ST7: variants seen among roughly 807,000 people sequenced by gnomAD.
The protein encoded by ST7 is suppression of tumorigenicity 7.
ST7 carries 28 observed loss-of-function variants against 78.7 expected under a neutral mutation model. That is an observed-to-expected ratio of 0.36 (90% CI 0.26 to 0.49). ST7 has a LOEUF of 0.49. Ranked by LOEUF, ST7 falls within the 20% of genes least tolerant of loss-of-function variation. ST7 has a pLI of 0.99. For missense variants in ST7, 418 were observed against 696.0 expected (o/e 0.60, Z 4.49); for synonymous variants, 247 against 249.6 (o/e 0.99, Z 0.10).
At chr7:117,149,592 CTTTTTTTT>C (rs59067333) in intron 9 of ST7, among the ~76,000 whole-genome samples, 1 of 83,942 alleles carries the variant, frequency 1.2e-5, no homozygotes, top group South Asian at 3.5e-4. Flanking sequence ...CGTGTCCTAC[CTTTTTTTT>C]TTTTTTTTTT....
chr7:117,018,119 A>AGTT (rs1242692889), intron 1 of ST7, among the ~76,000 whole-genome samples: 2 of 152,188 alleles, frequency 1.3e-5, no homozygotes, highest in Non-Finnish European at 2.9e-5. Context: ...TCGGCAAAGC[A>AGTT]GTTATTACAT....
At chr7:117,106,013 A>G (rs1012154784) in intron 2 of ST7, among the ~76,000 whole-genome samples, 1 of 151,320 alleles carries the variant, frequency 6.6e-6, no homozygotes, top group Non-Finnish European at 1.5e-5. Context: ...TTTTTTTGAG[A>G]CGGAGTCTCG....
intron 1 of ST7, among the ~76,000 whole-genome samples, chr7:116,990,290 A>G (rs1328251624): frequency 6.6e-6 from 1 of 152,132 alleles, no homozygotes; most frequent in Non-Finnish European, 1.5e-5. Flanking sequence ...ATGAGTAAAA[A>G]TGAGTAATTT....
intron 15 of ST7, chr7:117,222,865 T>C: frequency 1.9e-6 from 3 of 1,613,756 alleles, no homozygotes; most frequent in East Asian, 2.2e-5. Context: ...TTCCAGATGA[T>C]TGACATTTTC....
At chr7:117,100,189 G>T (rs1801463569) in intron 2 of ST7, among the ~76,000 whole-genome samples, 2 of 151,992 alleles carry the variant, frequency 1.3e-5, no homozygotes, top group South Asian at 4.2e-4. Context: ...CATCAATATG[G>T]GGCTGGGCGC....
chr7:117,173,907 G>A (rs1808179510), intron 10 of ST7, among the ~76,000 whole-genome samples: 1 of 152,058 alleles, frequency 6.6e-6, no homozygotes, highest in Non-Finnish European at 1.5e-5. Flanking sequence ...AAAATGGCAA[G>A]GCACTGGGGG....
At chr7:117,028,881 A>G (rs979354655) in intron 1 of ST7, among the ~76,000 whole-genome samples, 10 of 152,126 alleles carry the variant, frequency 6.6e-5, no homozygotes, top group African/African-American at 2.4e-4. Flanking sequence ...TGTGGGCAGG[A>G]ATGCCTATAC....
At chr7:116,988,894 A>G (rs1794300714) in intron 1 of ST7, among the ~76,000 whole-genome samples, 1 of 152,208 alleles carries the variant, frequency 6.6e-6, no homozygotes. Context: ...TTCAGCAAAT[A>G]GCAAATACCT....
intron 6 of ST7, 57 bp from the exon 7 acceptor site, chr7:117,134,063 ACTCT>A (rs928344459): frequency 1.3e-6 from 2 of 1,597,832 alleles, no homozygotes; most frequent in Admixed American, 1.7e-5. Context: ...TGACATAGTG[ACTCT>A]CTCTGAATGT....
intron 3 of ST7, among the ~76,000 whole-genome samples, chr7:117,126,490 C>A (rs1044656617): frequency 6.6e-6 from 1 of 151,788 alleles, no homozygotes; most frequent in African/African-American, 2.4e-5. Context: ...TAGTTCAATA[C>A]CCTTTTCACT....
chr7:117,062,041 C>T (rs1798383691), intron 1 of ST7, among the ~76,000 whole-genome samples: 1 of 152,090 alleles, frequency 6.6e-6, no homozygotes, highest in Admixed American at 6.5e-5. Flanking sequence ...GACTTGGTTC[C>T]CTGGTACAAG....
chr7:116,980,186 T>C (rs1793895400), intron 1 of ST7, among the ~76,000 whole-genome samples: 1 of 152,032 alleles, frequency 6.6e-6, no homozygotes, highest in African/African-American at 2.4e-5. Context: ...CTCCAATTCC[T>C]GGCCTCAAAT....
At chr7:117,222,544 G>T (rs1171529874) in intron 15 of ST7, among the ~76,000 whole-genome samples, 3 of 152,158 alleles carry the variant, frequency 2.0e-5, no homozygotes, top group Non-Finnish European at 4.4e-5. Context: ...GGCTTATTAA[G>T]AAGTAAACTG....
intron 3 of ST7, among the ~76,000 whole-genome samples, chr7:117,122,718 T>G (rs1431901782): frequency 6.6e-6 from 1 of 152,192 alleles, no homozygotes; most frequent in Non-Finnish European, 1.5e-5. Context: ...TTCTTGACAT[T>G]TGGGCTTCTG....
intron 1 of ST7, among the ~76,000 whole-genome samples, chr7:116,999,346 A>G (rs2116434506): frequency 6.6e-6 from 1 of 152,340 alleles, no homozygotes; most frequent in Admixed American, 6.5e-5. Context: ...TTTTTCAGGA[A>G]CTTATATACT....
At chr7:117,057,216 T>C (rs1290554489) in intron 1 of ST7, among the ~76,000 whole-genome samples, 1 of 152,210 alleles carries the variant, frequency 6.6e-6, no homozygotes, top group East Asian at 1.9e-4. Flanking sequence ...ATTTATGTCA[T>C]TATACTTATG....
intron 12 of ST7, among the ~76,000 whole-genome samples, chr7:117,197,853 G>A (rs116931316): frequency 0.017 from 2,513 of 152,266 alleles, 35 homozygotes; most frequent in Non-Finnish European, 0.028. Context: ...GGAGGCTGAG[G>A]CAGGAAGATC....
intron 1 of ST7, among the ~76,000 whole-genome samples, chr7:117,097,632 CTT>C (rs563510115): frequency 5.8e-4 from 87 of 150,982 alleles, no homozygotes; most frequent in African/African-American, 2.1e-3. Context: ...CCTCTGCTGA[CTT>C]TTAAAAAAAT....
At chr7:117,194,462 G>A (rs2117424799) in intron 12 of ST7, among the ~76,000 whole-genome samples, 1 of 152,250 alleles carries the variant, frequency 6.6e-6, no homozygotes, top group Admixed American at 6.5e-5. Context: ...ATCAGAAGTA[G>A]TCTGTCTCCT....
Sources: gnomAD v4.1 joint callset for allele counts (sites outside exome capture counted in the v4.1 genomes callset) on GRCh38, gnomAD v4.1.1 for gene constraint, MANE v1.5 for transcripts, NCBI Gene and HGNC (gene_info 2026-07-23, HGNC 2026-07-21) for gene names.